DOCK5: variants seen among roughly 807,000 people sequenced by gnomAD.
DOCK5 encodes dedicator of cytokinesis protein 5.
A neutral mutation model predicts 251.8 loss-of-function variants in DOCK5; 142 were observed. That is an observed-to-expected ratio of 0.56 (90% CI 0.49 to 0.65). The LOEUF is 0.65. Among genes scored for constraint, DOCK5 ranks in the 30% least tolerant of loss-of-function variants. The probability of loss-of-function intolerance (pLI) is 0.00; values close to 1 mark genes in which losing one functional copy is unlikely to be tolerated. For missense variants in DOCK5, 2,111 were observed against 2,312.3 expected (o/e 0.91, Z 1.79); for synonymous variants, 842 against 835.5 (o/e 1.01, Z -0.13).
intron 27 of DOCK5, among the ~76,000 whole-genome samples, chr8:25,354,368 A>G (rs573181007): frequency 1.3e-5 from 2 of 152,352 alleles, no homozygotes; most frequent in East Asian, 1.9e-4. Flanking sequence ...ATGGGAAATG[A>G]TATATTGGCT....
At chr8:25,317,833 G>A (rs191223539) in intron 14 of DOCK5, among the ~76,000 whole-genome samples, 7 of 152,154 alleles carry the variant, frequency 4.6e-5, no homozygotes, top group Non-Finnish European at 7.4e-5. Flanking sequence ...GGATGGTCTC[G>A]ATCTCCTGAC....
At chr8:25,259,964 C>T (rs1348858607) in intron 2 of DOCK5, among the ~76,000 whole-genome samples, 1 of 152,146 alleles carries the variant, frequency 6.6e-6, no homozygotes, top group African/African-American at 2.4e-5. Flanking sequence ...TTCAAAAGCC[C>T]CAGTGAGTTC....
intron 2 of DOCK5, among the ~76,000 whole-genome samples, chr8:25,256,465 C>T (rs1271672166): frequency 6.6e-6 from 1 of 151,816 alleles, no homozygotes; most frequent in Non-Finnish European, 1.5e-5. Context: ...ATGGCGAAAA[C>T]CCGTCTCTAC....
At chr8:25,400,851 T>A in intron 46 of DOCK5, 78 bp from the exon 47 acceptor site, 3 of 1,513,480 alleles carry the variant, frequency 2.0e-6, no homozygotes, top group Non-Finnish European at 2.7e-6. Flanking sequence ...TTCCACCCCA[T>A]CCCTCCCTTC....
chr8:25,378,674 C>T (rs548608254), intron 38 of DOCK5, among the ~76,000 whole-genome samples: 6 of 152,264 alleles, frequency 3.9e-5, no homozygotes, highest in East Asian at 1.9e-4. Context: ...ACACTGAGGA[C>T]GTGCTTTAGC....
At chr8:25,338,008 G>GT (rs1805857554) in intron 22 of DOCK5, among the ~76,000 whole-genome samples, 1 of 151,972 alleles carries the variant, frequency 6.6e-6, no homozygotes, top group Admixed American at 6.6e-5. Flanking sequence ...ATGCTAAAGT[G>GT]TTTTTTTGTT....
At chr8:25,392,701 A>G (rs1035008594) in intron 43 of DOCK5, 95 bp from the exon 44 acceptor site, 126 of 1,052,464 alleles carry the variant, frequency 1.2e-4, no homozygotes, top group Non-Finnish European at 1.7e-4. Flanking sequence ...TAAGTGAACC[A>G]GGGAGTCTTG....
At chr8:25,283,726 C>G (rs1804265124) in intron 5 of DOCK5, among the ~76,000 whole-genome samples, 1 of 152,180 alleles carries the variant, frequency 6.6e-6, no homozygotes, top group Non-Finnish European at 1.5e-5. Context: ...GGCAAAGTGG[C>G]CTTGAGCACT....
At chr8:25,403,053 C>T (rs572717919) in intron 47 of DOCK5, among the ~76,000 whole-genome samples, 5 of 152,184 alleles carry the variant, frequency 3.3e-5, no homozygotes, top group East Asian at 1.9e-4. Context: ...AGAACTTGGC[C>T]GGTATTAGTG....
intron 47 of DOCK5, 114 bp downstream of exon 47, chr8:25,401,180 A>G: frequency 7.0e-7 from 1 of 1,418,640 alleles, no homozygotes; most frequent in Non-Finnish European, 9.7e-7. Flanking sequence ...ATGGCATGGA[A>G]ATAGTGAGGC....
intron 21 of DOCK5, 50 bp downstream of exon 21, chr8:25,334,246 C>G: frequency 1.4e-6 from 2 of 1,433,500 alleles, no homozygotes; most frequent in Non-Finnish European, 2.0e-6. Flanking sequence ...TGGATTTGTA[C>G]TCTTAGGACT....
At position 25,241,090 on chromosome 8, in the gene DOCK5, G is replaced by A. The variant is rs550717971; in HGVS notation, c.44-2584G>A. Reference sequence around the variant, plus strand: ...CCACCCTGATAATTCAGGGAAGAGAGCTCCTCTCAAAATCCTTATCATTGG... The same window carrying A: ...CCACCCTGATAATTCAGGGAAGAGAACTCCTCTCAAAATCCTTATCATTGG... On this transcript the variant is annotated intron_variant, in intron 1 of 51. Transcript: ENST00000276440. 3.9e-5 allele frequency among the ~76,000 whole-genome samples: 6 copies of A among 152,300 alleles called. No homozygotes were observed. The East Asian group carries it at 9.7e-4, about 25-fold the overall frequency.
chr8:25,382,777 G>A lies in DOCK5; in HGVS notation c.4130G>A (p.Arg1377Gln), dbSNP rs1801092398. ...YYGQGFPSFL[R>Q]NKIFIYRGKE... Reference sequence around the variant, plus strand: ...GGACAGGGCTTTCCTTCTTTCCTACGGGTAAGAAACCTGATGGTGGTCTCC... The same window carrying A: ...GGACAGGGCTTTCCTTCTTTCCTACAGGTAAGAAACCTGATGGTGGTCTCC... The change falls in exon 40 of 52, where the codon CGG (arginine) becomes CAG (glutamine). Residue 1377 changes from arginine (R) to glutamine (Q), a missense_variant and splice_region_variant. Arg to Gln is a conservative substitution (Grantham distance 43). This residue lies in a region of DOCK5 where 1,717 missense variants were observed against 1,892.4 expected (regional missense o/e 0.91). Transcript: ENST00000276440. 7 of 1,609,400 alleles carry A rather than the reference G, an allele frequency of 4.3e-6. No homozygotes were observed. The highest frequency in any genetic ancestry group is 1.3e-5 in the African/African-American group (1 of 74,772).
rs1199182230 is a variant in DOCK5 at position 25,308,882 on chromosome 8, G to C, written c.1149G>C (p.Leu383Phe). ...IGENEPLTSV[L>F]NKVIAAKEVN... ...AGAATGAGCCACTCACTTCAGTCTT[G>C]AATAAAGTGATTGCAGCAAAGGAAG... Residue 383 changes from leucine to phenylalanine, a missense_variant, in exon 12 of 52, where the codon TTG becomes TTC. Leu to Phe is a conservative substitution (Grantham distance 22, BLOSUM62 0). This residue lies in a region of DOCK5 where 1,717 missense variants were observed against 1,892.4 expected (regional missense o/e 0.91). Transcript: ENST00000276440. 6 of 1,613,816 alleles carry C rather than the reference G, an allele frequency of 3.7e-6. No homozygotes were observed. The South Asian group carries it at 4.4e-5, about 12-fold the overall frequency.
At chr8:25,222,047 A>G (rs1802404680) in intron 1 of DOCK5, among the ~76,000 whole-genome samples, 1 of 152,084 alleles carries the variant, frequency 6.6e-6, no homozygotes, top group Non-Finnish European at 1.5e-5. Flanking sequence ...AAGAGAGAGC[A>G]TTGCTTTTTG....
intron 34 of DOCK5, 91 bp downstream of exon 34, chr8:25,369,732 G>A: frequency 1.7e-6 from 2 of 1,160,040 alleles, no homozygotes; most frequent in Non-Finnish European, 2.5e-6. Context: ...GAGCAATTGA[G>A]TAGTCTCAGA....
intron 48 of DOCK5, among the ~76,000 whole-genome samples, chr8:25,406,969 G>A (rs1801534004): frequency 6.6e-6 from 1 of 151,836 alleles, no homozygotes; most frequent in African/African-American, 2.4e-5. Flanking sequence ...ATTTTTGATG[G>A]CAGTTGACAT....
intron 21 of DOCK5, among the ~76,000 whole-genome samples, chr8:25,334,590 A>C (rs979845595): frequency 1.3e-5 from 2 of 152,100 alleles, no homozygotes; most frequent in African/African-American, 4.8e-5. Flanking sequence ...ACACACCTGT[A>C]GTCCTAGCTA....
intron 28 of DOCK5, among the ~76,000 whole-genome samples, chr8:25,362,139 C>T (rs565783101): frequency 6.6e-6 from 1 of 152,142 alleles, no homozygotes; most frequent in South Asian, 2.1e-4. Context: ...TTTGAAGGAC[C>T]GTTTAGGACC....
Sources: allele counts gnomAD v4.1 joint callset (sites outside exome capture counted in the v4.1 genomes callset), GRCh38; gene constraint gnomAD v4.1.1; regional missense constraint gnomAD v4.1.1; transcripts MANE v1.5; gene names NCBI Gene and HGNC (gene_info 2026-07-23, HGNC 2026-07-21).